The following PRKAR1B variants were observed in gnomAD, a reference collection of about 807,000 sequenced individuals.
PRKAR1B encodes cAMP-dependent protein kinase type I-beta regulatory subunit.
Under a neutral mutation model 46.5 loss-of-function variants are expected in PRKAR1B, and 22 were observed. That is an observed-to-expected ratio of 0.47 (90% CI 0.34 to 0.68). The LOEUF is 0.68. PRKAR1B is among the 30% of genes least tolerant of loss of function. The pLI, the probability that PRKAR1B is intolerant of heterozygous loss-of-function variation, is 0.01. For missense variants in PRKAR1B, 445 were observed against 535.6 expected, an observed-to-expected ratio of 0.83 and a Z score of 1.67; for synonymous variants, 259 against 217.7, an observed-to-expected ratio of 1.19 and a Z score of -1.67.
At position 643,088 on chromosome 7, in the gene PRKAR1B, G is replaced by A. The variant is rs1197360807; in HGVS notation, c.440+34141C>T. Among the ~76,000 whole-genome samples, 4 of 151,588 alleles carry A rather than the reference G, an allele frequency of 2.6e-5. No individual in the cohort carries two copies. In the South Asian group the frequency reaches 6.2e-4, roughly 24 times the overall value. On this transcript the variant is annotated intron_variant, in intron 4 of 10. Coordinates refer to ENST00000537384, the MANE Select transcript of PRKAR1B (RefSeq NM_001164760.2). ...CCATCAAGTGCTGAGCACATTGGCC[G>A]TTGGTATGAATGCTATAATTACCTT...
Position 717,416 on chromosome 7 carries a change from C to T in PRKAR1B, c.-22-5889G>A, listed in dbSNP as rs542636499. Reference sequence around the variant, plus strand: ...TCATGCCTGCAATCCCAGAACTTTGCGGGGCCAAAAGAGGAGGATCACTTG... The same window carrying T: ...TCATGCCTGCAATCCCAGAACTTTGTGGGGCCAAAAGAGGAGGATCACTTG... On this transcript the variant is annotated intron_variant, in intron 1 of 10. Coordinates refer to ENST00000537384, the MANE Select transcript of PRKAR1B (RefSeq NM_001164760.2). 3.3e-5 allele frequency among the ~76,000 whole-genome samples: 5 copies of T among 152,110 alleles called. No individual in the cohort carries two copies. The East Asian group carries it at 5.8e-4, about 18-fold the overall frequency.
intron 2 of PRKAR1B, among the ~76,000 whole-genome samples, chr7:696,200 C>A (rs556941237): frequency 6.6e-6 from 1 of 150,722 alleles, no homozygotes; most frequent in South Asian, 2.1e-4. Context: ...TAGTCTCAAG[C>A]GATCCTCCTG....
chr7:619,433 T>C (rs1782998343), intron 4 of PRKAR1B, among the ~76,000 whole-genome samples: 3 of 152,214 alleles, frequency 2.0e-5, no homozygotes, highest in Non-Finnish European at 2.9e-5. Flanking sequence ...TTGTGGCATA[T>C]ATGATCATCA....
At chr7:606,335 G>A in intron 5 of PRKAR1B, 96 bp from the exon 6 acceptor site, 1 of 1,075,012 alleles carries the variant, frequency 9.3e-7, no homozygotes, top group Non-Finnish European at 1.4e-6. Context: ...CTGTTGCAGA[G>A]ACCCTCGAAG....
At chr7:600,807 C>G (rs985610004) in intron 6 of PRKAR1B, among the ~76,000 whole-genome samples, 1 of 152,212 alleles carries the variant, frequency 6.6e-6, no homozygotes, top group Non-Finnish European at 1.5e-5. Context: ...GAGCTACGTT[C>G]CCAGGCCTGC....
chr7:603,591 T>C (rs914052871), intron 6 of PRKAR1B, among the ~76,000 whole-genome samples: 4 of 150,928 alleles, frequency 2.7e-5, no homozygotes, highest in Non-Finnish European at 4.4e-5. Flanking sequence ...GGAGGCGACA[T>C]GATGACTCCA....
At chr7:609,392 AC>A (rs1434316237) in intron 4 of PRKAR1B, among the ~76,000 whole-genome samples, 1 of 151,976 alleles carries the variant, frequency 6.6e-6, no homozygotes. Flanking sequence ...GACACTGTGT[AC>A]CCCCCACCAC....
chr7:552,895 A>AC (rs1784334947), intron 9 of PRKAR1B, among the ~76,000 whole-genome samples: 1 of 152,034 alleles, frequency 6.6e-6, no homozygotes, highest in Non-Finnish European at 1.5e-5. Context: ...CTCCCTCCTG[A>AC]CCCCCGACAC....
chr7:574,579 G>A (rs1454320647), intron 9 of PRKAR1B, among the ~76,000 whole-genome samples: 1 of 152,146 alleles, frequency 6.6e-6, no homozygotes, highest in African/African-American at 2.4e-5. Flanking sequence ...CAGTAGCCGG[G>A]ATTACAGGCA....
chr7:584,705 G>A (rs1013320905), intron 7 of PRKAR1B, 137 bp from the exon 8 acceptor site: 16 of 748,480 alleles, frequency 2.1e-5, no homozygotes, highest in South Asian at 6.6e-5. Flanking sequence ...CAAAGCCCTC[G>A]ACGACTCGGA....
At chr7:694,045 G>A (rs1313875835) in intron 2 of PRKAR1B, among the ~76,000 whole-genome samples, 1 of 152,228 alleles carries the variant, frequency 6.6e-6, no homozygotes, top group African/African-American at 2.4e-5. Flanking sequence ...AGCACTTTGG[G>A]AGGCCGAGGT....
rs1484927007 is a variant in PRKAR1B, at chr7:593,091, G to A, written c.708+3055C>T. ...GAAAAAGCAAGTCTGGGGAGTGCTGGCCCCGGGCTGGGCCCCTGCCTGGGA... is the reference window on the plus strand; with the variant it reads ...GAAAAAGCAAGTCTGGGGAGTGCTGACCCCGGGCTGGGCCCCTGCCTGGGA... On this transcript the variant is annotated intron_variant, in intron 7 of 10. Transcript: ENST00000537384. The surrounding 1 kb of genome is among the most constrained non-coding windows in gnomAD (Gnocchi z 6.1). 6.6e-6 allele frequency among the ~76,000 whole-genome samples: 1 copy of A among 152,186 alleles called. No homozygotes were observed. The highest frequency in any genetic ancestry group is 1.5e-5 in the Non-Finnish European group (1 of 68,024).
chr7:571,598 C>A (rs1360140977), intron 9 of PRKAR1B, among the ~76,000 whole-genome samples: 1 of 152,248 alleles, frequency 6.6e-6, no homozygotes, highest in Non-Finnish European at 1.5e-5. Context: ...TCCCAGGCCG[C>A]TGCCGCCCCG....
At chr7:584,654 T>G in intron 7 of PRKAR1B, 86 bp from the exon 8 acceptor site, 1 of 1,195,850 alleles carries the variant, frequency 8.4e-7, no homozygotes, top group East Asian at 2.4e-5. Flanking sequence ...CCCAAATGAC[T>G]CTCAACTTTT....
At chr7:681,584 T>C (rs1583410640) in intron 2 of PRKAR1B, among the ~76,000 whole-genome samples, 1 of 151,934 alleles carries the variant, frequency 6.6e-6, no homozygotes, top group South Asian at 2.1e-4. Flanking sequence ...CATCTGGAGG[T>C]CTGCTGGGAG....
At chr7:654,242 CTCATCACCA>C (rs1785066318) in intron 4 of PRKAR1B, among the ~76,000 whole-genome samples, 1 of 144,202 alleles carries the variant, frequency 6.9e-6, no homozygotes, top group African/African-American at 2.6e-5. Context: ...CATCACCATC[CTCATCACCA>C]TCATCACCAT....
chr7:647,666 C>A (rs1019474732), intron 4 of PRKAR1B, among the ~76,000 whole-genome samples: 1 of 151,582 alleles, frequency 6.6e-6, no homozygotes, highest in African/African-American at 2.4e-5. Flanking sequence ...ATTAGCCGGG[C>A]GAGGTGGCAG....
rs189961331 is a variant in PRKAR1B, at chr7:658,530, A to C, written c.440+18699T>G. ...TTCAAAATAGATCAGGGTCGGGAGA[A>C]AGTGGGAGGGAAGAGAGATGAGAGC... On this transcript the variant is annotated intron_variant, in intron 4 of 10. Coordinates refer to ENST00000537384, the MANE Select transcript of PRKAR1B (RefSeq NM_001164760.2). Among the ~76,000 whole-genome samples, 18 of 152,330 alleles carry C rather than the reference A, an allele frequency of 1.2e-4. No individual in the cohort carries two copies. The South Asian group carries it at 3.1e-3, about 26-fold the overall frequency.
rs537635398 is a variant in PRKAR1B, at chr7:592,243, G to A, written c.708+3903C>T. Among the ~76,000 whole-genome samples the A allele has an allele frequency of 7.2e-5, 11 of 152,348 alleles. No homozygotes were observed. In the South Asian group the frequency reaches 1.7e-3, roughly 23 times the overall value. On this transcript the variant is annotated intron_variant, in intron 7 of 10. Transcript: ENST00000537384. ...GTGCACACGGGCCCTCCCGGCTGCC[G>A]TGGCCTCACGTGGACACTGCAGGGC... is the stretch of plus-strand genomic sequence containing the variant.
Sources: gnomAD v4.1 joint callset for allele counts (sites outside exome capture counted in the v4.1 genomes callset) on GRCh38, gnomAD v4.1.1 for gene constraint, Gnocchi (gnomAD v3.1) non-coding constraint, MANE v1.5 for transcripts, NCBI Gene and HGNC (gene_info 2026-07-23, HGNC 2026-07-21) for gene names.